ANTXR1: variants seen among roughly 807,000 people sequenced by gnomAD.
ANTXR1 encodes the protein anthrax toxin receptor 1.
In ANTXR1, 19 loss-of-function variants were observed where a neutral mutation model predicts 78.1. The ratio of observed to expected loss-of-function variants is 0.24; its 90% CI spans 0.17 to 0.36. ANTXR1 has a LOEUF of 0.36. ANTXR1 is among the 10% of genes least tolerant of loss of function. The pLI is 1.00. For missense variants in ANTXR1, 518 were observed against 718.6 expected (o/e 0.72, Z 3.19); for synonymous variants, 273 against 260.5 (o/e 1.05, Z -0.46).
chr2:69,170,512 T>C (rs748210714), intron 14 of ANTXR1, among the ~76,000 whole-genome samples: 6 of 152,216 alleles, frequency 3.9e-5, no homozygotes, highest in Non-Finnish European at 7.3e-5. Flanking sequence ...ACAATGAGTT[T>C]TGGAGGTTTT....
chr2:69,160,289 C>T (rs1401752253), intron 13 of ANTXR1, among the ~76,000 whole-genome samples: 1 of 152,182 alleles, frequency 6.6e-6, no homozygotes, highest in Non-Finnish European at 1.5e-5. Flanking sequence ...CCTGATAACC[C>T]CCAACCCCCA....
intron 1 of ANTXR1, among the ~76,000 whole-genome samples, chr2:69,023,909 A>G (rs759439283): frequency 4.6e-5 from 7 of 152,224 alleles, no homozygotes; most frequent in Non-Finnish European, 1.0e-4. Context: ...AAACTAACAC[A>G]TACTCTTTGT....
At position 69,195,787 on chromosome 2, in the gene ANTXR1, C is replaced by G. The variant is rs529745050; in HGVS notation, c.1434+2372C>G. On this transcript the variant is annotated intron_variant, in intron 17 of 17. Coordinates refer to ENST00000303714, the MANE Select transcript of ANTXR1 (RefSeq NM_032208.3). The stretch of plus-strand genomic sequence containing the variant: ...ATTGAGAAAAAAATAATAATAAGAT[C>G]CCTAAACTAAGGTTCAGTAGTACTA... Among the ~76,000 whole-genome samples, 3 of 152,188 alleles carry G rather than the reference C, an allele frequency of 2.0e-5. No homozygotes were observed. In the East Asian group the frequency reaches 5.8e-4, roughly 29 times the overall value.
At position 69,182,552 on chromosome 2, in the gene ANTXR1, T is replaced by G. The variant is rs200017369; in HGVS notation, c.1245T>G (p.Asn415Lys). The change falls in exon 16 of 18, where the codon AAT becomes AAG. Residue 415 changes from asparagine to lysine, a missense_variant. By Grantham distance (94) the Asn-to-Lys change is moderately conservative. Coordinates refer to ENST00000303714, the MANE Select transcript of ANTXR1 (RefSeq NM_032208.3). ...GTGCTAAGTTGGAAAAGGCAAAGAA[T>G]GCAAGAGTCAAGATGCCGGAGCAGG... ...EEGAKLEKAK[N>K]ARVKMPEQEY... The G allele has an allele frequency of 6.2e-7, 1 of 1,614,210 alleles. No individual in the cohort carries two copies. Among genetic ancestry groups the G allele is most frequent in the Admixed American group, 1.7e-5 (1 of 60,028 alleles).
intron 16 of ANTXR1, 76 bp from the exon 17 acceptor site, chr2:69,193,259 A>G (rs1674583845): frequency 7.9e-7 from 1 of 1,268,080 alleles, no homozygotes; most frequent in Admixed American, 1.7e-5. Flanking sequence ...AGAAGCACGG[A>G]AAGTTCTGTG....
chr2:69,207,764 C>G (rs561819444), intron 17 of ANTXR1, among the ~76,000 whole-genome samples: 1 of 152,256 alleles, frequency 6.6e-6, no homozygotes, highest in South Asian at 2.1e-4. Flanking sequence ...TACCCACATT[C>G]AGCGGTTCCC....
intron 17 of ANTXR1, among the ~76,000 whole-genome samples, chr2:69,238,773 CT>C (rs1558667246): frequency 6.6e-6 from 1 of 152,186 alleles, no homozygotes; most frequent in Admixed American, 6.5e-5. Context: ...GTATGTTATA[CT>C]TTTACGATCT....
At chr2:69,016,198 G>A (rs549752216) in intron 1 of ANTXR1, among the ~76,000 whole-genome samples, 1 of 152,258 alleles carries the variant, frequency 6.6e-6, no homozygotes, top group African/African-American at 2.4e-5. Flanking sequence ...TGTGACTCGA[G>A]CACTTGAAAT....
rs1670618623 is a variant in ANTXR1, at chr2:69,073,077, T to A, written c.468T>A (p.Asp156Glu). The change falls in exon 6 of 18, where the codon GAT becomes GAA. Residue 156 changes from aspartate (D) to glutamate (E), a missense_variant. Around this residue, in one of 5 missense-constraint regions of ANTXR1, gnomAD observed 264 missense variants for 391.8 expected, o/e 0.67. Transcript: ENST00000303714. ...IALTDGELHE[D>E]LFFYSEREAN... Reference sequence around the variant, plus strand: ...TGACTGATGGAGAACTCCATGAAGATCTCTTTTTCTATTCAGAGAGGGAGG... The same window carrying A: ...TGACTGATGGAGAACTCCATGAAGAACTCTTTTTCTATTCAGAGAGGGAGG... 1.2e-6 allele frequency: 2 copies of A among 1,614,052 alleles called. No individual in the cohort carries two copies. Among genetic ancestry groups the A allele is most frequent in the Admixed American group, 1.7e-5 (1 of 60,016 alleles).
At chr2:69,068,811 A>G (rs1670481826) in intron 3 of ANTXR1, among the ~76,000 whole-genome samples, 1 of 152,252 alleles carries the variant, frequency 6.6e-6, no homozygotes, top group Non-Finnish European at 1.5e-5. Flanking sequence ...TGACTACCCC[A>G]GTGGCTAAGC....
At chr2:69,160,421 C>T (rs1470921594) in intron 13 of ANTXR1, among the ~76,000 whole-genome samples, 2 of 152,146 alleles carry the variant, frequency 1.3e-5, no homozygotes, top group Admixed American at 6.6e-5. Flanking sequence ...TAATTTCCCC[C>T]GTGTGAAAAA....
At chr2:69,230,089 A>T (rs1379947441) in intron 17 of ANTXR1, among the ~76,000 whole-genome samples, 1 of 151,548 alleles carries the variant, frequency 6.6e-6, no homozygotes. Context: ...AAAGGTTTGA[A>T]TTCTCAGAGC....
chr2:69,033,031 T>C (rs775226541), intron 1 of ANTXR1, among the ~76,000 whole-genome samples: 3 of 152,224 alleles, frequency 2.0e-5, no homozygotes, highest in Non-Finnish European at 1.5e-5. Context: ...AAATCACTAA[T>C]AAATTCCATT....
intron 12 of ANTXR1, among the ~76,000 whole-genome samples, chr2:69,130,363 T>C (rs1672697414): frequency 6.6e-6 from 1 of 152,206 alleles, no homozygotes; most frequent in South Asian, 2.1e-4. Flanking sequence ...GCAACAAGGT[T>C]CAATAACTTT....
At chr2:69,151,863 G>C (rs1405441702) in intron 12 of ANTXR1, among the ~76,000 whole-genome samples, 1 of 152,216 alleles carries the variant, frequency 6.6e-6, no homozygotes, top group African/African-American at 2.4e-5. Flanking sequence ...CAGGGGGCCA[G>C]ATGAGCAGTG....
chr2:69,037,382 G>C (rs1010288880), intron 1 of ANTXR1, among the ~76,000 whole-genome samples: 5 of 152,240 alleles, frequency 3.3e-5, no homozygotes, highest in Non-Finnish European at 7.3e-5. Context: ...CGGTGGCCCT[G>C]AGAGCATAAG....
chr2:69,098,772 G>A, intron 9 of ANTXR1, among the ~76,000 whole-genome samples: 1 of 152,144 alleles, frequency 6.6e-6, no homozygotes, highest in Admixed American at 6.5e-5. Context: ...GATCACTTGA[G>A]GTCAGGAGTT....
intron 13 of ANTXR1, among the ~76,000 whole-genome samples, chr2:69,166,821 G>A (rs557220196): frequency 6.6e-6 from 1 of 152,330 alleles, no homozygotes; most frequent in African/African-American, 2.4e-5. Context: ...ATTCTAGCTT[G>A]CATTCTAGTT....
At chr2:69,086,038 GA>G (rs528095952) in intron 8 of ANTXR1, among the ~76,000 whole-genome samples, 223 of 152,284 alleles carry the variant, frequency 1.5e-3, no homozygotes, top group African/African-American at 5.2e-3. Flanking sequence ...AAGACTTTCT[GA>G]AATATGTGTG....
Sources: allele counts gnomAD v4.1 joint callset (sites outside exome capture counted in the v4.1 genomes callset), GRCh38; gene constraint gnomAD v4.1.1; regional missense constraint gnomAD v4.1.1; transcripts MANE v1.5; gene names NCBI Gene and HGNC (gene_info 2026-07-23, HGNC 2026-07-21).